ATRNL1: variants seen among roughly 807,000 people sequenced by gnomAD.
ATRNL1 encodes the protein attractin like 1.
In ATRNL1, 95 loss-of-function variants were observed where a neutral mutation model predicts 182.7. The observed-to-expected ratio is 0.52, with a 90% CI of 0.44 to 0.62. The LOEUF (loss-of-function observed/expected upper bound fraction) is 0.62, where lower values mean the gene tolerates loss of function less well. Ranked by LOEUF, ATRNL1 falls within the 20% of genes least tolerant of loss-of-function variation. ATRNL1 has a pLI of 0.00. For missense variants in ATRNL1, 1,471 were observed against 1,679.5 expected, an observed-to-expected ratio of 0.88 and a Z score of 2.17; for synonymous variants, 576 against 568.3, an observed-to-expected ratio of 1.01 and a Z score of -0.19.
intron 19 of ATRNL1, among the ~76,000 whole-genome samples, chr10:115,366,464 CTT>C (rs1368033468): frequency 1.3e-5 from 2 of 152,110 alleles, no homozygotes; most frequent in African/African-American, 4.8e-5. Context: ...GGTCTTGACT[CTT>C]TATCCAATTT....
chr10:115,870,011 A>T (rs1951542881), intron 28 of ATRNL1, among the ~76,000 whole-genome samples: 1 of 142,472 alleles, frequency 7.0e-6, no homozygotes, highest in African/African-American at 2.8e-5. Flanking sequence ...AAATAACGCC[A>T]TGAAAAAGAT....
chr10:115,467,424 T>G (rs188234990), intron 23 of ATRNL1, among the ~76,000 whole-genome samples, 172 bp downstream of exon 23: 1 of 150,966 alleles, frequency 6.6e-6, no homozygotes, highest in East Asian at 1.9e-4. Context: ...GCTTCATTAT[T>G]TTGTTAACTT....
chr10:115,474,547 G>A (rs1848446627), intron 24 of ATRNL1, among the ~76,000 whole-genome samples: 1 of 151,108 alleles, frequency 6.6e-6, no homozygotes, highest in Non-Finnish European at 1.5e-5. Context: ...CGAGTTTAGG[G>A]ACTGTTGTGG....
chr10:115,482,938 G>T (rs558010860), intron 24 of ATRNL1, among the ~76,000 whole-genome samples: 1 of 151,258 alleles, frequency 6.6e-6, no homozygotes, highest in Non-Finnish European at 1.5e-5. Flanking sequence ...TGTACTAACC[G>T]TAAGGTAAGA....
chr10:115,869,071 C>T (rs559355791), intron 28 of ATRNL1, among the ~76,000 whole-genome samples: 151 of 152,046 alleles, frequency 9.9e-4, no homozygotes, highest in African/African-American at 3.3e-3. Context: ...CCTCGTGATC[C>T]GCCCGCCTCG....
At chr10:115,222,572 G>C (rs1849510199) in intron 9 of ATRNL1, among the ~76,000 whole-genome samples, 1 of 152,056 alleles carries the variant, frequency 6.6e-6, no homozygotes, top group South Asian at 2.1e-4. Context: ...AGGAAAAAGG[G>C]CATATTTCCT....
rs575805606 is a variant in ATRNL1, at chr10:115,442,958, A to C, written c.3322+16656A>C. On this transcript the variant is annotated intron_variant, in intron 21 of 28. Transcript: ENST00000355044. ...CAGTCTATTTATCATGTATAGTTAC[A>C]TCTTCTTTTATGACCTAAAATAGAT... is the stretch of plus-strand genomic sequence containing the variant. Among the ~76,000 whole-genome samples the C allele has an allele frequency of 4.1e-4, 62 of 152,172 alleles. 1 individual carries two copies. The South Asian group carries it at 0.012, about 31-fold the overall frequency.
chr10:115,790,586 A>G (rs1949507244), intron 27 of ATRNL1, among the ~76,000 whole-genome samples: 1 of 152,098 alleles, frequency 6.6e-6, no homozygotes, highest in Admixed American at 6.6e-5. Flanking sequence ...AGAGTGAAGG[A>G]AAATGAAATA....
intron 28 of ATRNL1, among the ~76,000 whole-genome samples, chr10:115,889,532 T>C (rs576389841): frequency 7.2e-5 from 11 of 152,314 alleles, no homozygotes; most frequent in African/African-American, 2.4e-4. Flanking sequence ...GCTTCCTATA[T>C]GTGATATTAT....
intron 26 of ATRNL1, among the ~76,000 whole-genome samples, chr10:115,659,563 TTTACA>T (rs562050879): frequency 1.2e-3 from 178 of 152,284 alleles, no homozygotes; most frequent in African/African-American, 3.5e-3. Flanking sequence ...TGTAATGTTA[TTTACA>T]TTACATTATT....
chr10:115,270,840 T>C (rs1851828854), intron 13 of ATRNL1, among the ~76,000 whole-genome samples: 2 of 152,122 alleles, frequency 1.3e-5, no homozygotes, highest in Admixed American at 6.6e-5. Flanking sequence ...TTGGAAAAGT[T>C]GACACATAAA....
chr10:115,500,972 A>G (rs1186926690), intron 24 of ATRNL1, among the ~76,000 whole-genome samples: 1 of 113,394 alleles, frequency 8.8e-6, no homozygotes. Flanking sequence ...CTTGTCGCCC[A>G]GGCTGGAGTG....
At chr10:115,915,362 C>T (rs926369884) in intron 28 of ATRNL1, among the ~76,000 whole-genome samples, 5 of 151,226 alleles carry the variant, frequency 3.3e-5, no homozygotes, top group Non-Finnish European at 5.9e-5. Flanking sequence ...CGCGCCACTG[C>T]ACTCCAGCCT....
chr10:115,542,451 C>T (rs1852413581), intron 25 of ATRNL1, among the ~76,000 whole-genome samples: 1 of 152,004 alleles, frequency 6.6e-6, no homozygotes, highest in Non-Finnish European at 1.5e-5. Context: ...CATGATTGTG[C>T]CAATGCCATT....
intron 26 of ATRNL1, among the ~76,000 whole-genome samples, chr10:115,656,805 A>G (rs1860363299): frequency 6.6e-6 from 1 of 152,078 alleles, no homozygotes; most frequent in African/African-American, 2.4e-5. Flanking sequence ...CTCTTCACAA[A>G]CATTTATTCC....
In ATRNL1 at chr10:115,174,040, G is replaced by A. The variant is rs549922608; in HGVS notation, c.1348+2748G>A. On this transcript the variant is annotated intron_variant, in intron 8 of 28. Coordinates refer to ENST00000355044, the MANE Select transcript of ATRNL1 (RefSeq NM_207303.4). ...CCCCTTAACTTTATTTTATTTTTTT[G>A]TGGGGATGGGTGTGGTAAGTTTTGA... Among the ~76,000 whole-genome samples the A allele has an allele frequency of 3.2e-4, 48 of 150,236 alleles. 2 individuals carry two copies. The South Asian group carries it at 9.4e-3, about 30-fold the overall frequency.
intron 8 of ATRNL1, among the ~76,000 whole-genome samples, chr10:115,189,984 C>G (rs1294348188): frequency 6.6e-6 from 1 of 152,070 alleles, no homozygotes; most frequent in African/African-American, 2.4e-5. Context: ...ACACAAATAC[C>G]GTTGTGTTCT....
chr10:115,513,493 T>C (rs1334024657), intron 24 of ATRNL1, among the ~76,000 whole-genome samples: 3 of 151,994 alleles, frequency 2.0e-5, no homozygotes, highest in Non-Finnish European at 4.4e-5. Flanking sequence ...CTAGCTTTTA[T>C]TTTTAACTGA....
At chr10:115,654,922 C>G (rs553813554) in intron 26 of ATRNL1, among the ~76,000 whole-genome samples, 1 of 152,210 alleles carries the variant, frequency 6.6e-6, no homozygotes, top group Non-Finnish European at 1.5e-5. Context: ...ACAATTTCCA[C>G]TTCTTGTCTC....
Sources: allele counts gnomAD v4.1 joint callset (sites outside exome capture counted in the v4.1 genomes callset), GRCh38; gene constraint gnomAD v4.1.1; transcripts MANE v1.5; gene names NCBI Gene and HGNC (gene_info 2026-07-23, HGNC 2026-07-21).